GNB4: variants seen among roughly 807,000 people sequenced by gnomAD.
GNB4 encodes the protein guanine nucleotide-binding protein subunit beta-4.
A neutral mutation model predicts 45.2 loss-of-function variants in GNB4; 28 were observed. The observed-to-expected ratio is 0.62, with a 90% CI of 0.46 to 0.85. GNB4 has a LOEUF of 0.85. Among genes scored for constraint, GNB4 ranks in the 40% least tolerant of loss-of-function variants. The pLI is 0.00. For synonymous variants in GNB4, 132 were observed against 143.7 expected (o/e 0.92, Z 0.58); for missense variants, 321 against 425.4 (o/e 0.75, Z 2.16).
At chr3:179,520,096 G>A in the GNB4 span, among the ~76,000 whole-genome samples, 1 of 151,652 alleles carries the variant, frequency 6.6e-6, no homozygotes, top group Non-Finnish European at 1.5e-5. Flanking sequence ...CCATTATTCT[G>A]TTCTGGATCT....
intron 9 of GNB4, among the ~76,000 whole-genome samples, chr3:179,402,954 C>A (rs1714346876): frequency 6.6e-6 from 1 of 152,190 alleles, no homozygotes; most frequent in Admixed American, 6.6e-5. Flanking sequence ...TGGAAGAAAA[C>A]AGGCACAGAT....
At chr3:179,413,367 C>G in intron 8 of GNB4, 45 bp downstream of exon 8, 1 of 1,486,102 alleles carries the variant, frequency 6.7e-7, no homozygotes, top group Non-Finnish European at 9.4e-7. Context: ...GAGCTCAACA[C>G]TTTAAATGCA....
At chr3:179,469,371 GA>G in the GNB4 span, among the ~76,000 whole-genome samples, 1 of 152,066 alleles carries the variant, frequency 6.6e-6, no homozygotes, top group African/African-American at 2.4e-5. Flanking sequence ...CAATAAAGCT[GA>G]AAAAATGAGA....
rs62408901 is a variant in GNB4 at position 179,441,957 on chromosome 3, G to A, written c.-43+9389C>T. Among the ~76,000 whole-genome samples the A allele has an allele frequency of 7.7e-3, 1,171 of 151,796 alleles. 13 individuals carry two copies. The highest frequency in any genetic ancestry group is 0.017 in the Middle Eastern group (5 of 294). ...CGAGTAGCTGAGATTACAGGTGCCC[G>A]CCACCACGCCTGGCTAATTTTTGTA... On this transcript the variant is annotated intron_variant, in intron 1 of 9. Transcript: ENST00000232564.
At chr3:179,480,841 A>ATTTT in the GNB4 span, among the ~76,000 whole-genome samples, 1 of 136,646 alleles carries the variant, frequency 7.3e-6, no homozygotes. Flanking sequence ...AACTGATTTC[A>ATTTT]TTTTTTTTTT....
the GNB4 span, among the ~76,000 whole-genome samples, chr3:179,500,669 T>A: frequency 5.3e-5 from 8 of 152,352 alleles, no homozygotes; most frequent in Admixed American, 1.3e-4. Context: ...TAAATTACTT[T>A]GGGCAGTATG....
the GNB4 span, among the ~76,000 whole-genome samples, chr3:179,505,906 T>C: frequency 6.6e-6 from 1 of 152,316 alleles, no homozygotes; most frequent in African/African-American, 2.4e-5. Flanking sequence ...GAGAAATAAG[T>C]CTTTGTTGTT....
In GNB4 at chr3:179,438,545, GATTA is replaced by G. The variant is rs577317927; in HGVS notation, c.-42-12307_-42-12304del. On this transcript the variant is annotated intron_variant, in intron 1 of 9. Transcript: ENST00000232564. ...CACTACTCAGGCTAATATCTACAGT[GATTA>G]ATTGACAGATCTAATAGTACAGTGC... Among the ~76,000 whole-genome samples the G allele has an allele frequency of 4.6e-5, 7 of 152,338 alleles. No homozygotes were observed. The South Asian group carries it at 8.3e-4, about 18-fold the overall frequency.
At chr3:179,475,350 A>T in the GNB4 span, among the ~76,000 whole-genome samples, 1 of 151,526 alleles carries the variant, frequency 6.6e-6, no homozygotes, top group Non-Finnish European at 1.5e-5. Flanking sequence ...TGATCTCCTG[A>T]CCTTGTGATC....
At chr3:179,435,505 A>G (rs1715421840) in intron 1 of GNB4, among the ~76,000 whole-genome samples, 1 of 151,740 alleles carries the variant, frequency 6.6e-6, no homozygotes, top group African/African-American at 2.4e-5. Context: ...GAAGGGGACA[A>G]TGTAATCGCC....
chr3:179,447,341 G>GGT (rs1715759677), intron 1 of GNB4, among the ~76,000 whole-genome samples: 1 of 74,618 alleles, frequency 1.3e-5, no homozygotes, highest in African/African-American at 5.1e-5. Flanking sequence ...TCTTGATCAT[G>GGT]GTATTAAAAA....
At chr3:179,506,127 G>A in the GNB4 span, among the ~76,000 whole-genome samples, 2 of 152,196 alleles carry the variant, frequency 1.3e-5, no homozygotes, top group Non-Finnish European at 2.9e-5. Context: ...AGGATCGCTT[G>A]AGCTTAGGCA....
chr3:179,519,469 T>C, the GNB4 span, among the ~76,000 whole-genome samples: 1 of 152,290 alleles, frequency 6.6e-6, no homozygotes. Flanking sequence ...TACCTTCTTT[T>C]CAAGGGCCTG....
the GNB4 span, among the ~76,000 whole-genome samples, chr3:179,518,402 C>T: frequency 6.6e-6 from 1 of 151,942 alleles, no homozygotes; most frequent in African/African-American, 2.4e-5. Context: ...CCCAAATCTT[C>T]CTTCTTTCCC....
the GNB4 span, among the ~76,000 whole-genome samples, chr3:179,484,041 T>C: frequency 1.3e-5 from 2 of 152,310 alleles, no homozygotes; most frequent in South Asian, 4.1e-4. Context: ...CATTTAGTAG[T>C]TATGGGCACG....
chr3:179,523,344 A>G, the GNB4 span, among the ~76,000 whole-genome samples: 3 of 152,172 alleles, frequency 2.0e-5, no homozygotes, highest in Non-Finnish European at 4.4e-5. Flanking sequence ...GGTCAGTCTA[A>G]GTGAAAGCGA....
chr3:179,414,469 G>C (rs991404898), intron 6 of GNB4, among the ~76,000 whole-genome samples: 1 of 152,168 alleles, frequency 6.6e-6, no homozygotes, highest in African/African-American at 2.4e-5. Flanking sequence ...ATTGAACTAT[G>C]ATGGGCACAC....
At chr3:179,525,234 G>C in the GNB4 span, among the ~76,000 whole-genome samples, 1 of 152,180 alleles carries the variant, frequency 6.6e-6, no homozygotes, top group Non-Finnish European at 1.5e-5. Context: ...GTAAAATGGA[G>C]AAATCAAAAG....
Position 179,405,217 on chromosome 3 carries a change from ATACAT to A in GNB4, c.884_888del (p.Asn295MetfsTer16). The A allele has an allele frequency of 6.2e-7, 1 of 1,614,154 alleles. No homozygotes were observed. The highest frequency in any genetic ancestry group is 8.5e-7 in the Non-Finnish European group (1 of 1,179,992). ...GCACGATCTCCTTTTAGCGTGTCCC[ATACAT>A]TACAATTAAAGTCATCGTAACCAGC... is the stretch of plus-strand genomic sequence containing the variant. On this transcript the variant is annotated frameshift_variant, in exon 9 of 10. Coordinates refer to ENST00000232564, the MANE Select transcript of GNB4 (RefSeq NM_021629.4). LOFTEE classifies it high-confidence loss of function.
Sources: allele counts gnomAD v4.1 joint callset (sites outside exome capture counted in the v4.1 genomes callset), GRCh38; gene constraint gnomAD v4.1.1; transcripts MANE v1.5; gene names NCBI Gene and HGNC (gene_info 2026-07-23, HGNC 2026-07-21).